The following LIPE variants were observed in gnomAD, a reference collection of about 807,000 sequenced individuals.
LIPE encodes hormone-sensitive lipase.
A neutral mutation model predicts 88.5 loss-of-function variants in LIPE; 66 were observed. The observed-to-expected ratio is 0.75, with a 90% CI of 0.61 to 0.91. The LOEUF is 0.91. LIPE is among the 40% of genes least tolerant of loss of function. LIPE has a pLI of 0.00. For missense variants in LIPE, 1,346 were observed against 1,434.7 expected, an observed-to-expected ratio of 0.94 and a Z score of 1.00; for synonymous variants, 570 against 617.5, an observed-to-expected ratio of 0.92 and a Z score of 1.14.
chr19:42,413,258 T>C lies in LIPE; in HGVS notation c.884-2416A>G, dbSNP rs551326428. 3.9e-5 allele frequency among the ~76,000 whole-genome samples: 6 copies of C among 152,388 alleles called. No individual in the cohort carries two copies. In the East Asian group the frequency reaches 1.2e-3, roughly 29 times the overall value. On this transcript the variant is annotated intron_variant, in intron 1 of 9. Coordinates refer to ENST00000244289, the MANE Select transcript of LIPE (RefSeq NM_005357.4). ...GCCATTTGACACTTTATAATTTGTT[T>C]ACGTGTTTGTTCATCTCCCCCAGGA...
rs371863017 is a variant in LIPE, at chr19:42,406,230, G to A, written c.2296C>T (p.Arg766Cys). Residue 766 changes from arginine (R) to cysteine (C), a missense_variant, in exon 7 of 10, where the codon CGC becomes TGC. Physicochemically the swap from Arg to Cys is radical, Grantham distance 180. Coordinates refer to ENST00000244289, the MANE Select transcript of LIPE (RefSeq NM_005357.4). This position sits in a 1 kb window ranked among gnomAD's most constrained non-coding sequence, Gnocchi z 5.7. ...TMLQPAASPS[R>C]LLSLMDPLLP... is the part of the protein sequence containing the mutation. ...AAGGGGTCCATGAGGCTCAGCAGGC[G>A]GGAGGGAGAGGCGGCAGGCTGCAGC... 1.9e-5 allele frequency: 31 copies of A among 1,613,718 alleles called. No individual in the cohort carries two copies. In the South Asian group the frequency reaches 2.1e-4, roughly 11 times the overall value.
intron 1 of LIPE, chr19:42,412,427 A>G (rs1433091881): frequency 1.8e-5 from 18 of 985,708 alleles, no homozygotes; most frequent in Non-Finnish European, 2.2e-5. Context: ...TTGTGCCAGT[A>G]GCAGCCTGGG....
In LIPE at chr19:42,408,583, A is replaced by G. The variant is rs2040269147; in HGVS notation, c.1420-261T>C. ...TGGTTTGGAAAAAAAAAAAGGCAGT[A>G]GGTGGAGAGGGCACCAGTGATGACT... On this transcript the variant is annotated intron_variant, in intron 2 of 9. Transcript: ENST00000244289. The surrounding 1 kb of genome is among the most constrained non-coding windows in gnomAD (Gnocchi z 4.3). 3 of 477,836 alleles carry G rather than the reference A, an allele frequency of 6.3e-6. No homozygotes were observed. Among genetic ancestry groups the G allele is most frequent in the Non-Finnish European group, 1.2e-5 (3 of 260,192 alleles). 29.6% of individuals were successfully genotyped at this position (477,836 alleles called of 1,614,324 possible). A position where few individuals can be genotyped will look rare whatever the true frequency, so the allele number is the denominator to read the frequency against.
chr19:42,412,165 G>T, intron 1 of LIPE: 1 of 527,772 alleles, frequency 1.9e-6, no homozygotes, highest in Non-Finnish European at 2.4e-6. Context: ...CAGCCATTCA[G>T]GCTGCCCTGT....
chr19:42,408,337 G>T lies in LIPE; in HGVS notation c.1420-15C>A. On this transcript the variant is annotated splice_polypyrimidine_tract_variant and intron_variant, in intron 2 of 9. Coordinates refer to ENST00000244289, the MANE Select transcript of LIPE (RefSeq NM_005357.4). This position sits in a 1 kb window ranked among gnomAD's most constrained non-coding sequence, Gnocchi z 4.3. Reference sequence around the variant, plus strand: ...GCAGGCGTGAACTGTGGAGAGACGCGGCTGCGTCACCCACCGCTCAAGAGA... The same window carrying T: ...GCAGGCGTGAACTGTGGAGAGACGCTGCTGCGTCACCCACCGCTCAAGAGA... 6.2e-7 allele frequency: 1 copy of T among 1,608,986 alleles called. No homozygotes were observed. The highest frequency in any genetic ancestry group is 8.5e-7 in the Non-Finnish European group (1 of 1,175,578).
intron 8 of LIPE, among the ~76,000 whole-genome samples, chr19:42,404,612 C>T (rs897581869): frequency 6.6e-5 from 10 of 152,232 alleles, no homozygotes; most frequent in African/African-American, 2.4e-4. Flanking sequence ...GATCCGCCTG[C>T]CTTGGCTTCC....
rs57282318 is a variant in LIPE at position 42,405,976 on chromosome 19, TCACACACACACACACA to T, written c.2365+169_2365+184del. On this transcript the variant is annotated intron_variant, in intron 7 of 9. Coordinates refer to ENST00000244289, the MANE Select transcript of LIPE (RefSeq NM_005357.4). ...GTGTCTGTCTGTCTCTCTCTCTCTC[TCACACACACACACACA>T]CACACACACACACACACACACACAC... 1.6e-4 allele frequency: 69 copies of T among 418,674 alleles called. 1 individual carries two copies. Among genetic ancestry groups the T allele is most frequent in the Admixed American group, 4.1e-4 (10 of 24,316 alleles). 25.9% of individuals were successfully genotyped at this position (418,674 alleles called of 1,614,324 possible). A position where few individuals can be genotyped will look rare whatever the true frequency, so the allele number is the denominator to read the frequency against.
intron 1 of LIPE, among the ~76,000 whole-genome samples, chr19:42,411,802 C>G (rs1208936177): frequency 6.6e-6 from 1 of 152,226 alleles, no homozygotes; most frequent in African/African-American, 2.4e-5. Context: ...ATACTCATCA[C>G]TGGTGTCGAC....
intron 1 of LIPE, among the ~76,000 whole-genome samples, chr19:42,417,363 G>C (rs746690879): frequency 2.0e-5 from 3 of 151,966 alleles, no homozygotes; most frequent in Non-Finnish European, 4.4e-5. Flanking sequence ...GGGCTCAAGT[G>C]ATCCTCCTAC....
intron 1 of LIPE, among the ~76,000 whole-genome samples, chr19:42,419,137 G>T (rs895122039): frequency 6.6e-6 from 1 of 152,136 alleles, no homozygotes; most frequent in Non-Finnish European, 1.5e-5. Flanking sequence ...AATTAGCCGG[G>T]CATGGTGGCG....
intron 1 of LIPE, chr19:42,423,590 G>A (rs1047538498): frequency 5.8e-6 from 7 of 1,212,286 alleles, no homozygotes; most frequent in Non-Finnish European, 7.3e-6. Flanking sequence ...GGCCCTGCCC[G>A]GAGGGCCAAT....
Position 42,408,398 on chromosome 19 carries a change from G to C in LIPE, c.1420-76C>G. The C allele has an allele frequency of 8.6e-7, 1 of 1,162,958 alleles. No homozygotes were observed. Among genetic ancestry groups the C allele is most frequent in the Non-Finnish European group, 1.3e-6 (1 of 774,038 alleles). 72.0% of individuals were successfully genotyped at this position (1,162,958 alleles called of 1,614,324 possible). ...CAGGGCAGGAGCGAGGCACAGGGAT[G>C]TGCGGGGAAGACACATTCATTCAGT... On this transcript the variant is annotated intron_variant, in intron 2 of 9. Coordinates refer to ENST00000244289, the MANE Select transcript of LIPE (RefSeq NM_005357.4). This position sits in a 1 kb window ranked among gnomAD's most constrained non-coding sequence, Gnocchi z 4.3.
intron 1 of LIPE, among the ~76,000 whole-genome samples, chr19:42,421,461 T>C (rs1207519574): frequency 2.6e-5 from 4 of 152,226 alleles, no homozygotes; most frequent in Non-Finnish European, 4.4e-5. Flanking sequence ...TTTACAATCA[T>C]AGTCTTATCT....
chr19:42,424,427 C>T (rs764717132), intron 1 of LIPE: 1 of 456,320 alleles, frequency 2.2e-6, no homozygotes, highest in South Asian at 1.5e-5. Context: ...CAACCTCGCC[C>T]GCCGCGGTGG....
intron 2 of LIPE, among the ~76,000 whole-genome samples, chr19:42,409,400 C>CAAAAAAAAAA (rs760628566): frequency 1.2e-4 from 9 of 72,918 alleles, no homozygotes; most frequent in East Asian, 4.0e-4. Flanking sequence ...AAACAAAATA[C>CAAAAAAAAAA]AAAAAAAAAA....
chr19:42,412,324 G>A, intron 1 of LIPE: 1 of 985,802 alleles, frequency 1.0e-6, no homozygotes, highest in Non-Finnish European at 1.2e-6. Flanking sequence ...CCTGGGGCCT[G>A]GCAGCGGCCA....
intron 1 of LIPE, among the ~76,000 whole-genome samples, chr19:42,422,566 T>C (rs1241667417): frequency 1.3e-5 from 2 of 152,114 alleles, no homozygotes; most frequent in Non-Finnish European, 2.9e-5. Flanking sequence ...TTGGGGTCCC[T>C]GGGGCTGAGG....
intron 1 of LIPE, among the ~76,000 whole-genome samples, chr19:42,426,024 A>C (rs939847023): frequency 9.1e-5 from 13 of 143,586 alleles, no homozygotes; most frequent in Admixed American, 4.2e-4. Context: ...CTGGTCTTGA[A>C]CTCCTGGCCT....
At position 42,407,245 on chromosome 19, in the gene LIPE, G is replaced by GCCTCAGGGGC. The variant is rs1568599588; in HGVS notation, c.2056_2065dup (p.Ala689GlyfsTer3). On this transcript the variant is annotated stop_gained and frameshift_variant, in exon 6 of 10. Transcript: ENST00000244289. LOFTEE classifies it high-confidence loss of function. This position sits in a 1 kb window ranked among gnomAD's most constrained non-coding sequence, Gnocchi z 5.8. ...CTCCTCCAGCGCACGGGGGAAGGGGGCCTCAGGGGCCAGGGAGTAGTCGAT... is the reference window on the plus strand; with the variant it reads ...CTCCTCCAGCGCACGGGGGAAGGGGGCCTCAGGGGCCCTCAGGGGCCAGGGAGTAGTCGAT... 6.3e-7 allele frequency: 1 copy of GCCTCAGGGGC among 1,590,292 alleles called. No homozygotes were observed. The highest frequency in any genetic ancestry group is 8.6e-7 in the Non-Finnish European group (1 of 1,168,408).
Sources: gnomAD v4.1 joint callset for allele counts (sites outside exome capture counted in the v4.1 genomes callset) on GRCh38, gnomAD v4.1.1 for gene constraint, Gnocchi (gnomAD v3.1) non-coding constraint, MANE v1.5 for transcripts, NCBI Gene and HGNC (gene_info 2026-07-23, HGNC 2026-07-21) for gene names.